Variants in CCDC158 observed in about 807,000 individuals in gnomAD.
CCDC158 encodes the protein coiled-coil domain-containing protein 158.
CCDC158 carries 116 observed loss-of-function variants against 138.6 expected under a neutral mutation model. The observed-to-expected ratio is 0.84, with a 90% CI of 0.72 to 0.98. The LOEUF is 0.98. CCDC158 is among the 50% of genes least tolerant of loss of function. The pLI is 0.00. For synonymous variants in CCDC158, 436 were observed against 442.4 expected (o/e 0.99, Z 0.18); for missense variants, 1,265 against 1,306.1 (o/e 0.97, Z 0.48).
rs369216006 is a variant in CCDC158 at position 76,353,227 on chromosome 4, C to A, written c.2341G>T (p.Val781Phe). The part of the protein sequence containing the change: ...KSKLSQELST[V>F]ATEKNKMAGE... ...GCCATCTTGTTTTTTTCTGTGGCAA[C>A]AGTACTCAATTCCTGACTGAGTTTA... is the stretch of plus-strand genomic sequence containing the variant. The change falls in exon 16 of 25, where the codon GTT (valine) becomes TTT (phenylalanine). Residue 781 changes from valine (V) to phenylalanine (F), a missense_variant. Physicochemically the swap from Val to Phe is conservative, Grantham distance 50. Transcript: ENST00000682701. 1 of 1,613,340 alleles carries A rather than the reference C, an allele frequency of 6.2e-7. No homozygotes were observed. The highest frequency in any genetic ancestry group is 1.3e-5 in the African/African-American group (1 of 74,878).
At chr4:76,331,807 G>A (rs537895792) in intron 20 of CCDC158, among the ~76,000 whole-genome samples, 1 of 152,170 alleles carries the variant, frequency 6.6e-6, no homozygotes. Context: ...TGAGGGACAT[G>A]TACTTAATGC....
intron 4 of CCDC158, among the ~76,000 whole-genome samples, chr4:76,387,821 TAA>T (rs57778797): frequency 1.5e-4 from 16 of 104,018 alleles, no homozygotes; most frequent in Non-Finnish European, 2.1e-4. Context: ...AGACTACAAC[TAA>T]AAAAAAAAAA....
intron 13 of CCDC158, among the ~76,000 whole-genome samples, chr4:76,360,600 A>G (rs1158649317): frequency 6.6e-6 from 1 of 152,188 alleles, no homozygotes. Context: ...AGATTATTTC[A>G]AAGCTTAGAA....
At chr4:76,370,505 G>A (rs1388357488) in intron 10 of CCDC158, among the ~76,000 whole-genome samples, 2 of 152,086 alleles carry the variant, frequency 1.3e-5, no homozygotes, top group Non-Finnish European at 2.9e-5. Flanking sequence ...TGACATCATC[G>A]GAGCTACATT....
At chr4:76,338,658 T>A (rs1578903070) in intron 18 of CCDC158, among the ~76,000 whole-genome samples, 1 of 152,266 alleles carries the variant, frequency 6.6e-6, no homozygotes, top group Non-Finnish European at 1.5e-5. Context: ...GGTTTTATAG[T>A]GGTAAGTGAG....
rs1220650479 is a variant in CCDC158, at chr4:76,353,062, A to C, written c.2445+61T>G. 5.7e-6 allele frequency: 8 copies of C among 1,410,212 alleles called. No homozygotes were observed. The East Asian group carries it at 1.6e-4, about 28-fold the overall frequency. 87.4% of individuals were successfully genotyped at this position (1,410,212 alleles called of 1,614,324 possible). A position where few individuals can be genotyped will look rare whatever the true frequency, so the allele number is the denominator to read the frequency against. ...CTACATAGAGCTTTTGTTCAGAACA[A>C]TTCTATTTGGTTAATAACTATTTAG... On this transcript the variant is annotated intron_variant, in intron 16 of 24. Transcript: ENST00000682701.
chr4:76,375,641 T>C, intron 9 of CCDC158: 2 of 702,604 alleles, frequency 2.8e-6, no homozygotes, highest in East Asian at 5.4e-5. Flanking sequence ...AAGCCAAATC[T>C]ACAGAGCCAA....
chr4:76,315,880 C>A (rs1719338642), intron 24 of CCDC158, among the ~76,000 whole-genome samples: 1 of 152,204 alleles, frequency 6.6e-6, no homozygotes, highest in Non-Finnish European at 1.5e-5. Flanking sequence ...ATGATCATTG[C>A]AGTCCAGCTC....
chr4:76,394,161 C>G (rs867478440), intron 4 of CCDC158, among the ~76,000 whole-genome samples: 3 of 152,018 alleles, frequency 2.0e-5, no homozygotes, highest in Non-Finnish European at 2.9e-5. Flanking sequence ...ATCAATATAC[C>G]AAAGAGGTAT....
At chr4:76,325,402 T>C (rs1011397620) in intron 23 of CCDC158, among the ~76,000 whole-genome samples, 1 of 152,164 alleles carries the variant, frequency 6.6e-6, no homozygotes, top group African/African-American at 2.4e-5. Flanking sequence ...AAATCAAACA[T>C]TTTTTTCTCA....
intron 21 of CCDC158, among the ~76,000 whole-genome samples, chr4:76,330,323 A>G (rs567854184): frequency 6.6e-6 from 1 of 152,222 alleles, no homozygotes; most frequent in Non-Finnish European, 1.5e-5. Context: ...AAGGGAAAAT[A>G]ATGTTTCCCT....
chr4:76,369,497 T>C lies in CCDC158; in HGVS notation c.1276A>G (p.Met426Val), dbSNP rs199748207. 3 of 1,614,176 alleles carry C rather than the reference T, an allele frequency of 1.9e-6. No homozygotes were observed. The highest frequency in any genetic ancestry group is 3.3e-5 in the Admixed American group (2 of 60,012). Residue 426 changes from methionine to valine, a missense_variant, in exon 11 of 25, where the codon ATG becomes GTG. Coordinates refer to ENST00000682701, the MANE Select transcript of CCDC158 (RefSeq NM_001394954.1). ...AGGGCTTCCAGGCGCTGCACCTCCA[T>C]GTTCCGGTTGTCCAGTTCCCGCCGC... is the stretch of plus-strand genomic sequence containing the variant. Reference protein sequence around the residue: ...HLRRELDNRNMEVQRLEALLK... With the variant: ...HLRRELDNRNVEVQRLEALLK...
intron 18 of CCDC158, among the ~76,000 whole-genome samples, chr4:76,346,280 A>T (rs1420909213): frequency 6.6e-6 from 1 of 152,198 alleles, no homozygotes; most frequent in Non-Finnish European, 1.5e-5. Context: ...AACCATAAAA[A>T]CCCTAGAAGA....
chr4:76,384,011 T>A, intron 6 of CCDC158, 77 bp downstream of exon 6: 15 of 1,098,784 alleles, frequency 1.4e-5, no homozygotes, highest in Non-Finnish European at 1.9e-5. Flanking sequence ...TTAAGAATTT[T>A]AAAAATTATA....
chr4:76,351,075 C>T lies in CCDC158; in HGVS notation c.2585G>A (p.Arg862His), dbSNP rs759046733. 8.8e-5 allele frequency: 142 copies of T among 1,613,428 alleles called. No individual in the cohort carries two copies. The highest frequency in any genetic ancestry group is 1.1e-4 in the Non-Finnish European group (126 of 1,179,768). ...AGTAACAGATGCTGGCTGGAGAAGG[C>T]GTGGTTTCAATGAAGAATTTGAGGT... ...GYTSNSSLKP[R>H]LLQPASVTRS... Residue 862 changes from arginine to histidine, a missense_variant, in exon 18 of 25, where the codon CGC becomes CAC. Coordinates refer to ENST00000682701, the MANE Select transcript of CCDC158 (RefSeq NM_001394954.1).
In CCDC158 at chr4:76,328,929, G is replaced by T. The variant is rs752829093; in HGVS notation, c.2981C>A (p.Pro994His). 1 of 1,613,810 alleles carries T rather than the reference G, an allele frequency of 6.2e-7. No homozygotes were observed. Among genetic ancestry groups the T allele is most frequent in the Non-Finnish European group, 8.5e-7 (1 of 1,179,860 alleles). ...VTLHAGDRED[P>H]SGCFTFTSAA... ...AGATGTGAATGTGAAGCAACCAGAGGGATCTTCCCTGTCTCCTGCGTGTAA... is the reference window on the plus strand; with the variant it reads ...AGATGTGAATGTGAAGCAACCAGAGTGATCTTCCCTGTCTCCTGCGTGTAA... Residue 994 changes from proline (P) to histidine (H), a missense_variant, in exon 22 of 25, where the codon CCC becomes CAC. Transcript: ENST00000682701.
chr4:76,365,897 C>T (rs529685253), intron 12 of CCDC158, among the ~76,000 whole-genome samples: 1 of 152,310 alleles, frequency 6.6e-6, no homozygotes, highest in East Asian at 1.9e-4. Flanking sequence ...TGCACAGTAA[C>T]ATCTACTTAG....
intron 2 of CCDC158, among the ~76,000 whole-genome samples, chr4:76,409,841 A>C (rs1729151881): frequency 6.6e-6 from 1 of 151,938 alleles, no homozygotes; most frequent in African/African-American, 2.4e-5. Context: ...AAAATAAATA[A>C]ATAAAAATAA....
chr4:76,353,504 TAATA>T (rs1201502254), intron 15 of CCDC158, among the ~76,000 whole-genome samples: 1 of 152,222 alleles, frequency 6.6e-6, no homozygotes, highest in Non-Finnish European at 1.5e-5. Flanking sequence ...TTTCTAGTCT[TAATA>T]AATCTTTGAT....
Sources: allele counts gnomAD v4.1 joint callset (sites outside exome capture counted in the v4.1 genomes callset), GRCh38; gene constraint gnomAD v4.1.1; transcripts MANE v1.5; gene names NCBI Gene and HGNC (gene_info 2026-07-23, HGNC 2026-07-21).